The following DNAJC3 variants were observed in gnomAD, a reference collection of about 807,000 sequenced individuals.
DNAJC3 encodes DnaJ heat shock protein family (Hsp40) member C3.
DNAJC3 carries 38 observed loss-of-function variants against 68.6 expected under a neutral mutation model. The observed-to-expected ratio is 0.55, with a 90% CI of 0.43 to 0.73. The LOEUF (loss-of-function observed/expected upper bound fraction) is 0.73. Ranked by LOEUF, DNAJC3 falls within the 30% of genes least tolerant of loss-of-function variation. The pLI is 0.00. For missense variants in DNAJC3, 526 were observed against 591.9 expected (o/e 0.89, Z 1.16); for synonymous variants, 203 against 204.0 (o/e 1.00, Z 0.04).
intron 4 of DNAJC3, among the ~76,000 whole-genome samples, chr13:95,754,550 A>T (rs886390515): frequency 6.6e-6 from 1 of 152,238 alleles, no homozygotes; most frequent in Non-Finnish European, 1.5e-5. Context: ...ATGTAAAAAA[A>T]AAAGGCCAGG....
intron 9 of DNAJC3, among the ~76,000 whole-genome samples, chr13:95,780,928 A>G (rs938026503): frequency 2.0e-5 from 3 of 152,162 alleles, no homozygotes; most frequent in Non-Finnish European, 4.4e-5. Context: ...GAACTTGCTA[A>G]TGAATTGGTA....
chr13:95,684,157 C>T (rs1047279162), intron 1 of DNAJC3, among the ~76,000 whole-genome samples: 1 of 152,076 alleles, frequency 6.6e-6, no homozygotes, highest in East Asian at 1.9e-4. Flanking sequence ...CTCCTAGAGA[C>T]TTGTTGAATG....
intron 9 of DNAJC3, among the ~76,000 whole-genome samples, chr13:95,780,090 A>G (rs1398635634): frequency 6.6e-6 from 1 of 152,044 alleles, no homozygotes; most frequent in Non-Finnish European, 1.5e-5. Flanking sequence ...TCTCTGCTTC[A>G]CTGTTTCCAC....
chr13:95,785,452 C>CTTTTTTT lies in DNAJC3; in HGVS notation c.1076-469_1076-463dup, dbSNP rs36052714. Among the ~76,000 whole-genome samples, 393 of 77,952 alleles carry CTTTTTTT rather than the reference C, an allele frequency of 5.0e-3. 21 individuals are homozygous for CTTTTTTT. Among genetic ancestry groups the CTTTTTTT allele is most frequent in the African/African-American group, 0.02 (364 of 18,506 alleles). The allele number at this position is 77,952 out of a possible 152,430, so 51.1% of individuals were successfully genotyped here. A position where few individuals can be genotyped will look rare whatever the true frequency, so the allele number is the denominator to read the frequency against. On this transcript the variant is annotated intron_variant, in intron 9 of 11. Transcript: ENST00000602402. Reference sequence around the variant, plus strand: ...GTTTTCATTATTATGCCTTTTAAACCTTTTTTTTTTTTTTTTTTTTTTTTG... The same window carrying CTTTTTTT: ...GTTTTCATTATTATGCCTTTTAAACCTTTTTTTTTTTTTTTTTTTTTTTTTTTTTTTG...
chr13:95,731,747 C>T (rs1408588618), intron 4 of DNAJC3, among the ~76,000 whole-genome samples: 1 of 152,058 alleles, frequency 6.6e-6, no homozygotes, highest in Non-Finnish European at 1.5e-5. Context: ...ACATGACTCG[C>T]TGCAGCCTCA....
At chr13:95,699,833 T>C (rs904594171) in intron 1 of DNAJC3, among the ~76,000 whole-genome samples, 1 of 151,938 alleles carries the variant, frequency 6.6e-6, no homozygotes, top group Admixed American at 6.5e-5. Flanking sequence ...TTTCTTTTTC[T>C]TTTTTAAACA....
intron 2 of DNAJC3, among the ~76,000 whole-genome samples, chr13:95,710,980 G>C (rs1341013950): frequency 6.6e-6 from 1 of 152,100 alleles, no homozygotes; most frequent in Admixed American, 6.5e-5. Context: ...GTGAGCTACC[G>C]TGCCCAGCTG....
At chr13:95,781,525 CTATGAT>C (rs745432284) in intron 9 of DNAJC3, among the ~76,000 whole-genome samples, 11 of 152,206 alleles carry the variant, frequency 7.2e-5, no homozygotes, top group East Asian at 3.9e-4. Context: ...TTCAGTGCTA[CTATGAT>C]TATATTACTT....
Position 95,737,094 on chromosome 13 carries a change from T to C in DNAJC3, c.393+11842T>C, listed in dbSNP as rs1881950711. 2.7e-5 allele frequency among the ~76,000 whole-genome samples: 4 copies of C among 150,228 alleles called. No individual in the cohort carries two copies. In the South Asian group the frequency reaches 8.4e-4, roughly 31 times the overall value. ...TTGAGATAATCATGTGGTTTTTGTCTTTGGCTCTGTTTATATGCTGGATTA... is the reference window on the plus strand; with the variant it reads ...TTGAGATAATCATGTGGTTTTTGTCCTTGGCTCTGTTTATATGCTGGATTA... On this transcript the variant is annotated intron_variant, in intron 4 of 11. Transcript: ENST00000602402.
At chr13:95,705,579 G>A (rs1159474680) in intron 1 of DNAJC3, among the ~76,000 whole-genome samples, 2 of 150,406 alleles carry the variant, frequency 1.3e-5, no homozygotes, top group African/African-American at 4.9e-5. Context: ...CTAGACTGGA[G>A]TATAGTGGCA....
intron 4 of DNAJC3, among the ~76,000 whole-genome samples, chr13:95,729,751 T>C (rs1422915674): frequency 6.6e-6 from 1 of 152,116 alleles, no homozygotes; most frequent in Non-Finnish European, 1.5e-5. Flanking sequence ...TTTCCCTGAT[T>C]ATTAGTGATG....
chr13:95,793,934 C>A lies in DNAJC3; in HGVS notation c.*2904C>A, dbSNP rs1017744328. 2 of 152,088 alleles carry A rather than the reference C, an allele frequency of 1.3e-5. No individual in the cohort carries two copies. Among genetic ancestry groups the A allele is most frequent in the Non-Finnish European group, 2.9e-5 (2 of 68,032 alleles). 9.4% of individuals were successfully genotyped at this position (152,088 alleles called of 1,614,324 possible). ...AGCAGGAAGTATTAGACACATCAGT[C>A]TAGAAGCATTGTGAAAAGGTTCCAA... On this transcript the variant is annotated 3_prime_UTR_variant, in exon 12 of 12. Transcript: ENST00000602402.
chr13:95,781,059 G>A (rs1883436991), intron 9 of DNAJC3, among the ~76,000 whole-genome samples: 1 of 152,040 alleles, frequency 6.6e-6, no homozygotes, highest in East Asian at 1.9e-4. Flanking sequence ...CGTCCCCAGT[G>A]GCACTTGCCC....
chr13:95,710,233 CTTT>C (rs66976007), intron 2 of DNAJC3, among the ~76,000 whole-genome samples: 20 of 130,978 alleles, frequency 1.5e-4, no homozygotes, highest in Admixed American at 1.5e-4. Context: ...CTTTTCTTTT[CTTT>C]TTTTTTTTTT....
At chr13:95,677,440 G>A in intron 1 of DNAJC3, 103 bp downstream of exon 1, 1 of 1,234,372 alleles carries the variant, frequency 8.1e-7, no homozygotes, top group Non-Finnish European at 1.1e-6. Context: ...CTCGGGAGGT[G>A]GGGCGAGCGC....
chr13:95,736,880 G>A (rs1486984293), intron 4 of DNAJC3, among the ~76,000 whole-genome samples: 1 of 148,746 alleles, frequency 6.7e-6, no homozygotes, highest in East Asian at 1.9e-4. Flanking sequence ...GGTGAGAGAG[G>A]GCATCCCTGT....
At chr13:95,774,867 A>G (rs543729317) in intron 9 of DNAJC3, among the ~76,000 whole-genome samples, 34 of 152,256 alleles carry the variant, frequency 2.2e-4, no homozygotes, top group Non-Finnish European at 1.5e-5. Flanking sequence ...TGCCTTTATA[A>G]GTATGTCTCT....
intron 4 of DNAJC3, among the ~76,000 whole-genome samples, chr13:95,743,137 T>C (rs1344513439): frequency 6.6e-6 from 1 of 152,246 alleles, no homozygotes; most frequent in Admixed American, 6.5e-5. Flanking sequence ...CTTTGATCTG[T>C]GTGTCTGTCC....
At chr13:95,742,057 C>T (rs887189644) in intron 4 of DNAJC3, among the ~76,000 whole-genome samples, 3 of 152,102 alleles carry the variant, frequency 2.0e-5, no homozygotes, top group African/African-American at 4.8e-5. Flanking sequence ...CTGGGTAAGG[C>T]GGGGATTTTT....
Sources: allele counts gnomAD v4.1 joint callset (sites outside exome capture counted in the v4.1 genomes callset), GRCh38; gene constraint gnomAD v4.1.1; transcripts MANE v1.5; gene names NCBI Gene and HGNC (gene_info 2026-07-23, HGNC 2026-07-21).